The following WWC1 variants were observed in gnomAD, a reference collection of about 807,000 sequenced individuals.
WWC1 encodes the protein protein KIBRA.
A neutral mutation model predicts 138.4 loss-of-function variants in WWC1; 55 were observed. The observed-to-expected ratio is 0.40, with a 90% CI of 0.32 to 0.50. The LOEUF (loss-of-function observed/expected upper bound fraction) is 0.50, where lower values mean the gene tolerates loss of function less well. Among genes scored for constraint, WWC1 ranks in the 20% least tolerant of loss-of-function variants. WWC1 has a pLI of 0.72. For missense variants in WWC1, 1,226 were observed against 1,420.4 expected (o/e 0.86, Z 2.20); for synonymous variants, 524 against 564.9 (o/e 0.93, Z 1.03).
intron 5 of WWC1, among the ~76,000 whole-genome samples, chr5:168,400,983 CAAAG>C (rs371242010): frequency 2.4e-4 from 35 of 145,896 alleles, no homozygotes; most frequent in African/African-American, 8.7e-4. Context: ...ACCCTCTCTC[CAAAG>C]AAAGAAAGAA....
At chr5:168,434,272 A>G (rs982132754) in intron 15 of WWC1, among the ~76,000 whole-genome samples, 3 of 152,192 alleles carry the variant, frequency 2.0e-5, no homozygotes, top group African/African-American at 7.2e-5. Context: ...CCTGCGGCCA[A>G]TGGGAAACCT....
Position 168,428,055 on chromosome 5 carries a change from T to TGACAG in WWC1, c.1834_1835insACAGG (p.Gly612AspfsTer4). ...TAGCTGTGAATACGGCCCAGGGGTG[T>TGACAG]GGCCTGAAAGTGGCCTGTGTCTCAG... is the stretch of plus-strand genomic sequence containing the variant. On this transcript the variant is annotated frameshift_variant, in exon 12 of 23. Coordinates refer to ENST00000265293, the MANE Select transcript of WWC1 (RefSeq NM_015238.3). LOFTEE classifies it high-confidence loss of function. 6.2e-7 allele frequency: 1 copy of TGACAG among 1,613,750 alleles called. No individual in the cohort carries two copies. Among genetic ancestry groups the TGACAG allele is most frequent in the Non-Finnish European group, 8.5e-7 (1 of 1,179,762 alleles).
intron 15 of WWC1, among the ~76,000 whole-genome samples, chr5:168,431,657 G>A (rs1485883333): frequency 6.6e-6 from 1 of 152,188 alleles, no homozygotes; most frequent in Non-Finnish European, 1.5e-5. Flanking sequence ...TAGGGTGGGA[G>A]GGAAGGAGCT....
chr5:168,403,804 G>T (rs1023141774), intron 5 of WWC1, among the ~76,000 whole-genome samples: 4 of 151,530 alleles, frequency 2.6e-5, no homozygotes, highest in African/African-American at 9.7e-5. Flanking sequence ...TGGCTACTGG[G>T]TATGTGAATC....
At chr5:168,441,299 A>G (rs1754734932) in intron 15 of WWC1, among the ~76,000 whole-genome samples, 1 of 152,354 alleles carries the variant, frequency 6.6e-6, no homozygotes, top group East Asian at 1.9e-4. Flanking sequence ...TAGTAAGTGT[A>G]GAGTTTCAGA....
intron 2 of WWC1, among the ~76,000 whole-genome samples, chr5:168,371,872 A>C (rs1371908698): frequency 6.6e-6 from 1 of 152,130 alleles, no homozygotes; most frequent in Non-Finnish European, 1.5e-5. Context: ...ATATATGCAC[A>C]TATATATTTA....
chr5:168,457,738 G>A (rs182606352), intron 19 of WWC1, among the ~76,000 whole-genome samples: 18 of 152,304 alleles, frequency 1.2e-4, no homozygotes, highest in Admixed American at 8.5e-4. Context: ...CACCGGCCCC[G>A]TTGCTGCCCC....
intron 1 of WWC1, chr5:168,316,778 T>G (rs1771638673): frequency 2.0e-5 from 3 of 152,192 alleles, no homozygotes; most frequent in Admixed American, 1.3e-4. Context: ...CCTTCTGAAA[T>G]TTGCTGGGAT....
intron 15 of WWC1, among the ~76,000 whole-genome samples, chr5:168,431,978 G>A (rs1781984873): frequency 6.6e-6 from 1 of 151,034 alleles, no homozygotes. Flanking sequence ...GAGATGGGAG[G>A]ATCCCTTGAG....
intron 1 of WWC1, among the ~76,000 whole-genome samples, chr5:168,321,924 T>A (rs1207500063): frequency 2.6e-5 from 4 of 152,182 alleles, no homozygotes; most frequent in Non-Finnish European, 5.9e-5. Context: ...CTCAGGAGGT[T>A]TTTCTTTTCT....
chr5:168,414,586 G>A lies in WWC1; in HGVS notation c.1180G>A (p.Glu394Lys), dbSNP rs1011409415. The A allele has an allele frequency of 7.1e-6, 11 of 1,551,188 alleles. No homozygotes were observed. Among genetic ancestry groups the A allele is most frequent in the Non-Finnish European group, 7.8e-6 (9 of 1,147,832 alleles). The change falls in exon 9 of 23, where the codon GAG (glutamate) becomes AAG (lysine). Residue 394 changes from glutamate to lysine, a missense_variant. By Grantham distance (56) the Glu-to-Lys change is moderately conservative (BLOSUM62 1). This residue lies in a region of WWC1 where 1,016 missense variants were observed against 1,153.9 expected (regional missense o/e 0.88). Transcript: ENST00000265293. ...GGACACCCAGAGCAAGGCGCTGACG[G>A]AGAGGTGGGGCTGGGGCCCCAGGGT... ...ARDTQSKALTERLKLNSKRNQ... is the reference protein window; with the variant it reads ...ARDTQSKALTKRLKLNSKRNQ...
intron 3 of WWC1, among the ~76,000 whole-genome samples, chr5:168,391,551 C>T (rs957364595): frequency 2.4e-4 from 36 of 149,202 alleles, no homozygotes; most frequent in African/African-American, 8.6e-4. Flanking sequence ...CCCAGCTACT[C>T]GGGAGGCTGA....
At chr5:168,307,087 G>T (rs994203979) in intron 1 of WWC1, among the ~76,000 whole-genome samples, 2 of 152,220 alleles carry the variant, frequency 1.3e-5, no homozygotes, top group Non-Finnish European at 2.9e-5. Context: ...ACAACTCTAG[G>T]TTGTGCCAAG....
chr5:168,428,190 T>C, intron 12 of WWC1, 49 bp downstream of exon 12: 1 of 1,568,570 alleles, frequency 6.4e-7, no homozygotes, highest in Non-Finnish European at 8.7e-7. Flanking sequence ...AGCCATGAAC[T>C]CTGAATATCC....
intron 10 of WWC1, 91 bp downstream of exon 10, chr5:168,422,188 G>T: frequency 1.6e-6 from 2 of 1,286,656 alleles, no homozygotes; most frequent in South Asian, 2.4e-5. Flanking sequence ...CCCTTCACTT[G>T]TCCTCCGTGG....
intron 1 of WWC1, among the ~76,000 whole-genome samples, chr5:168,325,423 G>A (rs1772451303): frequency 1.3e-5 from 2 of 152,196 alleles, no homozygotes. Flanking sequence ...AGGTGGCAGT[G>A]TCCGCCCTCA....
chr5:168,428,161 C>A lies in WWC1; in HGVS notation c.1919+20C>A, dbSNP rs774028434. 1.3e-4 allele frequency: 204 copies of A among 1,606,500 alleles called. 1 individual carries two copies. Among genetic ancestry groups the A allele is most frequent in the Middle Eastern group, 3.3e-4 (2 of 6,048 alleles). On this transcript the variant is annotated intron_variant, in intron 12 of 22. Transcript: ENST00000265293. Reference sequence around the variant, plus strand: ...GCAGAGGTAGGTGTCTGGGTGCTGGCTCTCTCTGTGGCCCTGTAAGCCATG... The same window carrying A: ...GCAGAGGTAGGTGTCTGGGTGCTGGATCTCTCTGTGGCCCTGTAAGCCATG...
At chr5:168,361,684 C>T (rs1486504744) in intron 1 of WWC1, among the ~76,000 whole-genome samples, 1 of 152,218 alleles carries the variant, frequency 6.6e-6, no homozygotes, top group Non-Finnish European at 1.5e-5. Context: ...AGTCTTTTAT[C>T]TCTGTCCCTC....
chr5:168,410,926 C>G (rs1239052610), intron 8 of WWC1, among the ~76,000 whole-genome samples: 2 of 126,338 alleles, frequency 1.6e-5, no homozygotes, highest in Non-Finnish European at 3.3e-5. Flanking sequence ...AGTTCATGAT[C>G]TTTGCTTTTT....
Sources: gnomAD v4.1 joint callset for allele counts (sites outside exome capture counted in the v4.1 genomes callset) on GRCh38, gnomAD v4.1.1 for gene constraint, gnomAD v4.1.1 regional missense constraint, MANE v1.5 for transcripts, NCBI Gene and HGNC (gene_info 2026-07-23, HGNC 2026-07-21) for gene names.